Variants in SAMD12 observed in about 807,000 individuals in gnomAD.
SAMD12 encodes the protein sterile alpha motif domain containing 12.
Under a neutral mutation model 15.0 loss-of-function variants are expected in SAMD12, and 9 were observed. That is an observed-to-expected ratio of 0.60 (90% CI 0.36 to 1.05). The LOEUF (loss-of-function observed/expected upper bound fraction) is 1.05, where lower values mean the gene tolerates loss of function less well. Ranked by LOEUF, SAMD12 falls within the 50% of genes least tolerant of loss-of-function variation. The pLI is 0.01. For missense variants in SAMD12, 230 were observed against 234.2 expected, an observed-to-expected ratio of 0.98 and a Z score of 0.12; for synonymous variants, 86 against 90.1, an observed-to-expected ratio of 0.96 and a Z score of 0.25.
chr8:118,390,923 G>A (rs898575083), intron 3 of SAMD12, among the ~76,000 whole-genome samples: 1 of 151,844 alleles, frequency 6.6e-6, no homozygotes, highest in Admixed American at 6.6e-5. Flanking sequence ...AATATATTCA[G>A]GTTAATAGGA....
At chr8:118,558,672 C>T (rs566831854) in intron 2 of SAMD12, among the ~76,000 whole-genome samples, 1 of 152,324 alleles carries the variant, frequency 6.6e-6, no homozygotes, top group South Asian at 2.1e-4. Flanking sequence ...CATTCTCCTG[C>T]CTCAGCCTCC....
chr8:118,201,447 C>G (rs903118517), intron 4 of SAMD12, among the ~76,000 whole-genome samples: 15 of 152,142 alleles, frequency 9.9e-5, no homozygotes, highest in African/African-American at 3.6e-4. Context: ...TGTGGCATCT[C>G]AAATTTTTAC....
At chr8:118,313,922 G>A (rs187454862) in intron 4 of SAMD12, among the ~76,000 whole-genome samples, 10 of 151,544 alleles carry the variant, frequency 6.6e-5, no homozygotes, top group Non-Finnish European at 1.3e-4. Flanking sequence ...GAGGGAGAGA[G>A]GAGATGGGGG....
intron 4 of SAMD12, among the ~76,000 whole-genome samples, chr8:118,279,405 A>T (rs1321817318): frequency 1.3e-5 from 2 of 152,248 alleles, no homozygotes; most frequent in East Asian, 3.8e-4. Flanking sequence ...ATGGAAATCT[A>T]GATCAAACTT....
chr8:118,363,523 G>A (rs368995082), intron 4 of SAMD12, among the ~76,000 whole-genome samples: 2 of 151,966 alleles, frequency 1.3e-5, no homozygotes, highest in Non-Finnish European at 2.9e-5. Flanking sequence ...ACATTAGCTC[G>A]TCTTGAGTTT....
intron 4 of SAMD12, among the ~76,000 whole-genome samples, chr8:118,258,285 T>C (rs1215480701): frequency 2.0e-5 from 3 of 152,164 alleles, no homozygotes; most frequent in Non-Finnish European, 2.9e-5. Flanking sequence ...TCTCTCTCTA[T>C]CTGTAACATG....
intron 1 of SAMD12, among the ~76,000 whole-genome samples, chr8:118,594,794 CA>C (rs80317890): frequency 0.041 from 6,235 of 152,106 alleles, 391 homozygotes; most frequent in East Asian, 0.34. Flanking sequence ...TTCAGTAATA[CA>C]AATGAATAAA....
chr8:118,145,025 G>C, the SAMD12 span, among the ~76,000 whole-genome samples: 2 of 152,226 alleles, frequency 1.3e-5, no homozygotes, highest in African/African-American at 4.8e-5. Context: ...AATGTGGCAA[G>C]TGCCAAATAA....
rs144594640 is a variant in SAMD12 at position 118,447,183 on chromosome 8, C to T, written c.193-7222G>A. ...ATCCAGATGTCAATCTCTTCATTAC[C>T]AACATTGCTACAATCCTGATTGGAA... is the stretch of plus-strand genomic sequence containing the variant. On this transcript the variant is annotated intron_variant, in intron 2 of 3. Coordinates refer to ENST00000314727, the MANE Select transcript of SAMD12 (RefSeq NM_207506.3). 1.6e-4 allele frequency among the ~76,000 whole-genome samples: 25 copies of T among 152,266 alleles called. No individual in the cohort carries two copies. The East Asian group carries it at 4.0e-3, about 25-fold the overall frequency.
chr8:118,274,993 C>T (rs58992127), intron 4 of SAMD12, among the ~76,000 whole-genome samples: 3,365 of 152,194 alleles, frequency 0.022, 141 homozygotes, highest in African/African-American at 0.076. Flanking sequence ...CAAAATTACA[C>T]TGATATTATG....
chr8:118,540,773 A>C (rs976528785), intron 2 of SAMD12, among the ~76,000 whole-genome samples: 1 of 152,168 alleles, frequency 6.6e-6, no homozygotes, highest in African/African-American at 2.4e-5. Flanking sequence ...ATATATGCAA[A>C]GATTGGGTAG....
chr8:118,547,395 C>G (rs926003303), intron 2 of SAMD12, among the ~76,000 whole-genome samples: 25 of 152,138 alleles, frequency 1.6e-4, no homozygotes, highest in Non-Finnish European at 2.9e-4. Context: ...TATCCCCAGC[C>G]TGGTCCCTAG....
intron 2 of SAMD12, among the ~76,000 whole-genome samples, chr8:118,464,959 T>G (rs1242897465): frequency 1.3e-5 from 2 of 152,174 alleles, no homozygotes; most frequent in Non-Finnish European, 1.5e-5. Context: ...CTAAATGGTT[T>G]GGTCTTTGTG....
intron 4 of SAMD12, among the ~76,000 whole-genome samples, chr8:118,232,951 T>G (rs1290904900): frequency 1.3e-5 from 2 of 152,138 alleles, no homozygotes; most frequent in East Asian, 3.9e-4. Flanking sequence ...CCAGAAAGAA[T>G]CTGAGCAATA....
At chr8:118,367,158 T>C (rs1162602349) in intron 4 of SAMD12, among the ~76,000 whole-genome samples, 8 of 152,050 alleles carry the variant, frequency 5.3e-5, no homozygotes, top group Admixed American at 5.2e-4. Context: ...ACACCGAGAA[T>C]TGGTGGTCCC....
intron 3 of SAMD12, among the ~76,000 whole-genome samples, chr8:118,395,360 T>C (rs1182939999): frequency 2.0e-5 from 3 of 152,184 alleles, no homozygotes; most frequent in Non-Finnish European, 4.4e-5. Flanking sequence ...TCCCTTTTCA[T>C]AATTCTATTA....
chr8:118,173,287 T>C, the SAMD12 span, among the ~76,000 whole-genome samples: 8,716 of 152,200 alleles, frequency 0.057, 847 homozygotes, highest in African/African-American at 0.2. Flanking sequence ...CAGACTATCA[T>C]GTTAGGCCTG....
intron 2 of SAMD12, among the ~76,000 whole-genome samples, chr8:118,565,376 A>C (rs142723311): frequency 2.2e-4 from 34 of 152,328 alleles, no homozygotes; most frequent in African/African-American, 8.2e-4. Context: ...TTACCCTTCA[A>C]ACTGAACAGC....
intron 2 of SAMD12, among the ~76,000 whole-genome samples, chr8:118,458,127 C>G (rs1377621009): frequency 6.6e-6 from 1 of 152,192 alleles, no homozygotes; most frequent in East Asian, 1.9e-4. Context: ...AAAAGACACA[C>G]CACAAATGCA....
Sources: allele counts gnomAD v4.1 joint callset (sites outside exome capture counted in the v4.1 genomes callset), GRCh38; gene constraint gnomAD v4.1.1; transcripts MANE v1.5; gene names NCBI Gene and HGNC (gene_info 2026-07-23, HGNC 2026-07-21).